FUT8: variants seen among roughly 807,000 people sequenced by gnomAD.
FUT8 encodes alpha-(1,6)-fucosyltransferase.
FUT8 carries 29 observed loss-of-function variants against 71.3 expected under a neutral mutation model. The ratio of observed to expected loss-of-function variants is 0.41; its 90% CI spans 0.30 to 0.55. The LOEUF (loss-of-function observed/expected upper bound fraction) is 0.55, where lower values mean the gene tolerates loss of function less well. Ranked by LOEUF, FUT8 falls within the 20% of genes least tolerant of loss-of-function variation. The probability of loss-of-function intolerance (pLI) is 0.34; values close to 1 mark genes in which losing one functional copy is unlikely to be tolerated. For missense variants in FUT8, 544 were observed against 702.1 expected, an observed-to-expected ratio of 0.77 and a Z score of 2.55; for synonymous variants, 254 against 239.3, an observed-to-expected ratio of 1.06 and a Z score of -0.57.
chr14:65,584,894 C>T (rs1422117634), intron 3 of FUT8, among the ~76,000 whole-genome samples: 2 of 152,156 alleles, frequency 1.3e-5, no homozygotes, highest in Admixed American at 6.5e-5. Flanking sequence ...TGTAGTCAGA[C>T]AGATCTAATT....
intron 3 of FUT8, among the ~76,000 whole-genome samples, chr14:65,576,969 C>G (rs766040340): frequency 2.0e-5 from 3 of 151,872 alleles, no homozygotes; most frequent in Non-Finnish European, 2.9e-5. Flanking sequence ...TCCCAAAGTG[C>G]TGGGATTACA....
Position 65,660,988 on chromosome 14 carries a change from T to A in FUT8, c.598-8255T>A, listed in dbSNP as rs867329056. On this transcript the variant is annotated intron_variant, in intron 6 of 10. Coordinates refer to ENST00000673929, the MANE Select transcript of FUT8 (RefSeq NM_001371533.1). The surrounding 1 kb of genome is among the most constrained non-coding windows in gnomAD (Gnocchi z 4.1). ...CACAAAGCTAGATATTGCAAATCTT[T>A]TTAAACAAATAAAAACTGTTTAGTC... Among the ~76,000 whole-genome samples, 6 of 152,228 alleles carry A rather than the reference T, an allele frequency of 3.9e-5. No individual in the cohort carries two copies. Among genetic ancestry groups the A allele is most frequent in the Admixed American group, 2.0e-4 (3 of 15,284 alleles).
At chr14:65,429,890 C>CTTACAAGAGACTT (rs1172628902) in intron 1 of FUT8, among the ~76,000 whole-genome samples, 1 of 136,666 alleles carries the variant, frequency 7.3e-6, no homozygotes, top group African/African-American at 2.7e-5. Flanking sequence ...AAAAAAAAGA[C>CTTACAAGAGACTT]TTACAAGAGA....
Position 65,743,244 on chromosome 14 carries a change from ATTTAC to A in FUT8, c.*838_*842del, listed in dbSNP as rs1244893490. ...GAGGAGCTTTTTAGTTTTTCAGCTT[ATTTAC>A]TTTGTTTTTTTTCCTGTTTCTGATA... is the stretch of plus-strand genomic sequence containing the variant. On this transcript the variant is annotated 3_prime_UTR_variant, in exon 11 of 11. Coordinates refer to ENST00000673929, the MANE Select transcript of FUT8 (RefSeq NM_001371533.1). 3 of 151,874 alleles carry A rather than the reference ATTTAC, an allele frequency of 2.0e-5. No homozygotes were observed. The highest frequency in any genetic ancestry group is 4.4e-5 in the Non-Finnish European group (3 of 67,870). 9.4% of individuals were successfully genotyped at this position (151,874 alleles called of 1,614,324 possible). A position where few individuals can be genotyped will look rare whatever the true frequency, so the allele number is the denominator to read the frequency against.
At chr14:65,444,643 C>G (rs1413261929) in intron 1 of FUT8, among the ~76,000 whole-genome samples, 1 of 152,140 alleles carries the variant, frequency 6.6e-6, no homozygotes, top group Non-Finnish European at 1.5e-5. Flanking sequence ...TGTGTTGTAG[C>G]AATTTGGAGG....
intron 7 of FUT8, among the ~76,000 whole-genome samples, chr14:65,677,114 T>TTGTGTGTGTGTGTGTGTGTGTGTG (rs1555383258): frequency 2.7e-5 from 3 of 110,270 alleles, no homozygotes; most frequent in Non-Finnish European, 5.5e-5. Flanking sequence ...AAAGACATAT[T>TTGTGTGTGTGTGTGTGTGTGTGTG]TGTGTGTGTG....
At chr14:65,740,774 C>G (rs10134109) in intron 10 of FUT8, among the ~76,000 whole-genome samples, 1,586 of 152,034 alleles carry the variant, frequency 0.01, 29 homozygotes, top group African/African-American at 0.037. Flanking sequence ...GAAACCGCCC[C>G]CATGATCCAA....
intron 8 of FUT8, among the ~76,000 whole-genome samples, chr14:65,722,925 T>G (rs1461857753): frequency 6.6e-6 from 1 of 152,140 alleles, no homozygotes; most frequent in African/African-American, 2.4e-5. Context: ...TTTCTACATA[T>G]AAATAGTGAT....
chr14:65,592,146 A>G (rs1267224774), intron 3 of FUT8, among the ~76,000 whole-genome samples: 1 of 152,146 alleles, frequency 6.6e-6, no homozygotes, highest in Non-Finnish European at 1.5e-5. Flanking sequence ...CTTCATTTTT[A>G]AAACAGGCAC....
In FUT8 at chr14:65,742,356, T is replaced by C. The variant is rs747819872; in HGVS notation, c.1674T>C (p.Val558=). Residue 558 remains valine, a synonymous_variant, in exon 11 of 11, where the codon GTT becomes GTC. Coordinates refer to ENST00000673929, the MANE Select transcript of FUT8 (RefSeq NM_001371533.1). ...CGGGCCTATATCCCTCCTACAAAGT[T>C]CGAGAGAAGATAGAAACGGTCAAGT... ...GRTGLYPSYK[V]REKIETVKYP... is the part of the protein sequence containing the mutation. 5.0e-6 allele frequency: 8 copies of C among 1,612,518 alleles called. No homozygotes were observed. In the South Asian group the frequency reaches 8.8e-5, roughly 18 times the overall value.
intron 6 of FUT8, among the ~76,000 whole-genome samples, chr14:65,650,856 G>A (rs1317362926): frequency 2.0e-5 from 3 of 151,766 alleles, no homozygotes; most frequent in African/African-American, 7.3e-5. Flanking sequence ...AGAGAGGGGG[G>A]AAAAAAAAGC....
chr14:65,476,479 C>T (rs1426646447), intron 2 of FUT8, among the ~76,000 whole-genome samples: 18 of 152,062 alleles, frequency 1.2e-4, no homozygotes, highest in Non-Finnish European at 4.4e-5. Flanking sequence ...GTGTGAAACT[C>T]AATTTTGCTT....
At chr14:65,706,173 A>T (rs559837612) in intron 7 of FUT8, among the ~76,000 whole-genome samples, 68 of 152,296 alleles carry the variant, frequency 4.5e-4, no homozygotes, top group African/African-American at 1.5e-3. Flanking sequence ...TGCTAATATT[A>T]ATGCCATTTT....
chr14:65,633,941 T>TG (rs1380647747), intron 6 of FUT8, among the ~76,000 whole-genome samples: 2 of 143,010 alleles, frequency 1.4e-5, no homozygotes, highest in African/African-American at 2.7e-5. Context: ...GGGAGGGAGG[T>TG]GGGGGGTCAG....
At chr14:65,482,792 T>G (rs2066351419) in intron 2 of FUT8, among the ~76,000 whole-genome samples, 1 of 152,162 alleles carries the variant, frequency 6.6e-6, no homozygotes, top group Non-Finnish European at 1.5e-5. Context: ...TTTTCTTTTG[T>G]CAGCTGACAA....
At chr14:65,629,829 TACACACACACACACACACACAC>T in intron 6 of FUT8, among the ~76,000 whole-genome samples, 1 of 148,100 alleles carries the variant, frequency 6.8e-6, no homozygotes, top group South Asian at 2.2e-4. Context: ...CTTACACACG[TACACACACACACACACACACAC>T]ACACACAATA....
chr14:65,719,952 C>A (rs773113590), intron 7 of FUT8, among the ~76,000 whole-genome samples: 2 of 152,308 alleles, frequency 1.3e-5, no homozygotes. Context: ...CCAGTGTAAC[C>A]CCTACCTGGC....
chr14:65,460,075 C>G (rs1025920416), intron 2 of FUT8, among the ~76,000 whole-genome samples: 1 of 152,074 alleles, frequency 6.6e-6, no homozygotes, highest in Non-Finnish European at 1.5e-5. Flanking sequence ...CCTTTTTGCT[C>G]TATATGTTTT....
chr14:65,623,906 C>T (rs918651642), intron 5 of FUT8, among the ~76,000 whole-genome samples: 2 of 152,138 alleles, frequency 1.3e-5, no homozygotes, highest in African/African-American at 4.8e-5. Context: ...TGTTCGTAGT[C>T]AAAACCACAA....
Sources: allele counts gnomAD v4.1 joint callset (sites outside exome capture counted in the v4.1 genomes callset), GRCh38; gene constraint gnomAD v4.1.1; non-coding constraint Gnocchi (gnomAD v3.1); transcripts MANE v1.5; gene names NCBI Gene and HGNC (gene_info 2026-07-23, HGNC 2026-07-21).